Variants in NTAQ1 observed in about 807,000 individuals in gnomAD.
NTAQ1 encodes protein N-terminal glutamine amidohydrolase.
A neutral mutation model predicts 28.2 loss-of-function variants in NTAQ1; 21 were observed. That is an observed-to-expected ratio of 0.74 (90% CI 0.53 to 1.07). NTAQ1 has a LOEUF of 1.07. NTAQ1 is among the 50% of genes least tolerant of loss of function. NTAQ1 has a pLI of 0.00. For missense variants in NTAQ1, 264 were observed against 256.6 expected, an observed-to-expected ratio of 1.03 and a Z score of -0.20; for synonymous variants, 105 against 90.0, an observed-to-expected ratio of 1.17 and a Z score of -0.94.
At chr8:123,423,150 A>G (rs1249843169) in intron 1 of NTAQ1, among the ~76,000 whole-genome samples, 2 of 151,922 alleles carry the variant, frequency 1.3e-5, no homozygotes, top group Non-Finnish European at 2.9e-5. Flanking sequence ...GGTGCATATG[A>G]GTTTTAGAAT....
At chr8:123,431,820 T>G (rs1478030742) in intron 3 of NTAQ1, among the ~76,000 whole-genome samples, 1 of 152,236 alleles carries the variant, frequency 6.6e-6, no homozygotes, top group African/African-American at 2.4e-5. Context: ...TGTCTGCTAC[T>G]GGTACTCAGG....
chr8:123,436,445 ACTTTTAGGATTACCATGTTGTTTTG>A lies in NTAQ1; in HGVS notation c.235-4_255del, dbSNP rs1814716741. On this transcript the variant is annotated splice_acceptor_variant and splice_polypyrimidine_tract_variant and coding_sequence_variant and intron_variant, in exon 4 of 6. Coordinates refer to ENST00000287387, the MANE Select transcript of NTAQ1 (RefSeq NM_018024.3). LOFTEE classifies it high-confidence loss of function. Reference sequence around the variant, plus strand: ...AACTTGGTTAACTTCAGCAACTTTTACTTTTAGGATTACCATGTTGTTTTGCTTCATGTTTCAAGTGGAGGACAGA... The same window carrying A: ...AACTTGGTTAACTTCAGCAACTTTTACTTCATGTTTCAAGTGGAGGACAGA... 6.2e-7 allele frequency: 1 copy of A among 1,611,736 alleles called. No homozygotes were observed. Among genetic ancestry groups the A allele is most frequent in the Non-Finnish European group, 8.5e-7 (1 of 1,179,028 alleles).
downstream of NTAQ1, among the ~76,000 whole-genome samples, chr8:123,471,242 T>C (rs1165256930): frequency 2.6e-5 from 4 of 152,122 alleles, no homozygotes; most frequent in Non-Finnish European, 5.9e-5. Flanking sequence ...CTGCTTCCTC[T>C]TATAAGGACA....
the NTAQ1 span, among the ~76,000 whole-genome samples, chr8:123,475,267 A>T: frequency 6.6e-6 from 1 of 151,888 alleles, no homozygotes; most frequent in African/African-American, 2.4e-5. Flanking sequence ...TTGCTTTTTG[A>T]TGCTTACTTT....
intron 6 of NTAQ1, among the ~76,000 whole-genome samples, chr8:123,453,960 C>T (rs1318013982): frequency 6.6e-6 from 1 of 152,210 alleles, no homozygotes; most frequent in Non-Finnish European, 1.5e-5. Flanking sequence ...GTTCCAAGTT[C>T]ATGCCCACAT....
intron 1 of NTAQ1, among the ~76,000 whole-genome samples, chr8:123,421,350 G>T (rs543276775): frequency 7.9e-5 from 12 of 152,274 alleles, no homozygotes; most frequent in African/African-American, 2.9e-4. Flanking sequence ...GAACTGTTGG[G>T]ATTACAGATG....
At chr8:123,459,394 C>T (rs537745067) in intron 6 of NTAQ1, among the ~76,000 whole-genome samples, 1 of 152,222 alleles carries the variant, frequency 6.6e-6, no homozygotes, top group East Asian at 1.9e-4. Context: ...CTCTCTGAAC[C>T]CCATAGTTCA....
intron 6 of NTAQ1, among the ~76,000 whole-genome samples, chr8:123,459,135 CAG>C: frequency 6.6e-6 from 1 of 151,858 alleles, no homozygotes; most frequent in South Asian, 2.1e-4. Context: ...CCTGTAGTCT[CAG>C]CTACTCAGGA....
chr8:123,468,800 G>T (rs1816010736), exon 7 of NTAQ1, among the ~76,000 whole-genome samples: 1 of 152,028 alleles, frequency 6.6e-6, no homozygotes, highest in Admixed American at 6.6e-5. Flanking sequence ...TGTTTTCCAT[G>T]GGCTCTACCA....
downstream of NTAQ1, among the ~76,000 whole-genome samples, chr8:123,442,609 A>AG (rs1815119642): frequency 1.3e-5 from 2 of 151,050 alleles, no homozygotes; most frequent in Admixed American, 1.3e-4. Context: ...AAAAAAAAAA[A>AG]AAGAAAAGAA....
downstream of NTAQ1, among the ~76,000 whole-genome samples, chr8:123,443,156 A>G (rs532827532): frequency 6.6e-6 from 1 of 152,088 alleles, no homozygotes; most frequent in East Asian, 1.9e-4. Context: ...AGTAGCTGGG[A>G]TTACAGGTGT....
At chr8:123,456,142 A>G (rs1470679146) in intron 6 of NTAQ1, among the ~76,000 whole-genome samples, 1 of 152,108 alleles carries the variant, frequency 6.6e-6, no homozygotes, top group Non-Finnish European at 1.5e-5. Flanking sequence ...CCAATGCCAA[A>G]CCCCAGTGGT....
intron 6 of NTAQ1, among the ~76,000 whole-genome samples, chr8:123,457,648 T>A (rs1435874455): frequency 6.6e-6 from 1 of 152,182 alleles, no homozygotes; most frequent in African/African-American, 2.4e-5. Context: ...AGAAGAGAAC[T>A]GGGTGGCTAG....
chr8:123,452,805 G>A (rs1815542072), downstream of NTAQ1, among the ~76,000 whole-genome samples: 2 of 152,002 alleles, frequency 1.3e-5, no homozygotes, highest in South Asian at 4.1e-4. Flanking sequence ...TACTCGGGAG[G>A]CTGAGGCAGG....
Position 123,437,245 on chromosome 8 carries a change from A to G in NTAQ1, c.419A>G (p.Lys140Arg). The G allele has an allele frequency of 6.2e-7, 1 of 1,614,176 alleles. No homozygotes were observed. Among genetic ancestry groups the G allele is most frequent in the Admixed American group, 1.7e-5 (1 of 60,020 alleles). ...FRVIRADSYL[K>R]NFASDRSHMK... ...GTGATCCGTGCAGATTCATATTTGA[A>G]GAACTTTGCTTCTGACCGATCTCAC... Residue 140 changes from lysine (K) to arginine (R), a missense_variant, in exon 5 of 6, where the codon AAG becomes AGG. By Grantham distance (26) the Lys-to-Arg change is conservative. Coordinates refer to ENST00000287387, the MANE Select transcript of NTAQ1 (RefSeq NM_018024.3).
rs1266494748 is a variant in NTAQ1 at position 123,441,271 on chromosome 8, T to C, written c.509-35T>C. On this transcript the variant is annotated intron_variant, in intron 5 of 5. Coordinates refer to ENST00000287387, the MANE Select transcript of NTAQ1 (RefSeq NM_018024.3). ...ATTGCTGTTAAACCAAAATTGTGTT[T>C]TCAGTGGACATTTTTTTTTCATATA... is the stretch of plus-strand genomic sequence containing the variant. 6.4e-6 allele frequency: 10 copies of C among 1,557,886 alleles called. No individual in the cohort carries two copies. In the South Asian group the frequency reaches 1.2e-4, roughly 18 times the overall value.
chr8:123,417,389 A>G (rs1813364574), intron 1 of NTAQ1, among the ~76,000 whole-genome samples: 2 of 152,160 alleles, frequency 1.3e-5, no homozygotes, highest in African/African-American at 2.4e-5. Flanking sequence ...TAGGTAAACT[A>G]AATCACTGAG....
At chr8:123,465,147 A>G (rs1022395602) in intron 6 of NTAQ1, among the ~76,000 whole-genome samples, 4 of 152,252 alleles carry the variant, frequency 2.6e-5, no homozygotes, top group African/African-American at 9.6e-5. Context: ...GCAAAAATAA[A>G]AGGGAGTTCC....
downstream of NTAQ1, among the ~76,000 whole-genome samples, chr8:123,451,506 T>C (rs989622104): frequency 2.6e-5 from 4 of 151,840 alleles, no homozygotes; most frequent in Non-Finnish European, 5.9e-5. Context: ...ACCTGGCTAA[T>C]TTTTGTATTT....
Sources: gnomAD v4.1 joint callset for allele counts (sites outside exome capture counted in the v4.1 genomes callset) on GRCh38, gnomAD v4.1.1 for gene constraint, MANE v1.5 for transcripts, NCBI Gene and HGNC (gene_info 2026-07-23, HGNC 2026-07-21) for gene names.